The following TAF8 variants were observed in gnomAD, a reference collection of about 807,000 sequenced individuals.
TAF8 encodes the protein TATA-box binding protein associated factor 8.
A neutral mutation model predicts 36.5 loss-of-function variants in TAF8; 47 were observed. The observed-to-expected ratio is 1.29, with a 90% CI of 1.02 to 1.64. The LOEUF (loss-of-function observed/expected upper bound fraction) is 1.64, where lower values mean the gene tolerates loss of function less well. Ranked by LOEUF, TAF8 falls within the 40% of genes most tolerant of loss-of-function variation. TAF8 has a pLI of 0.00. For missense variants in TAF8, 420 were observed against 407.6 expected (o/e 1.03, Z -0.26); for synonymous variants, 175 against 159.5 (o/e 1.10, Z -0.73).
intron 5 of TAF8, among the ~76,000 whole-genome samples, chr6:42,059,737 C>T (rs1170149836): frequency 6.6e-6 from 1 of 152,192 alleles, no homozygotes; most frequent in African/African-American, 2.4e-5. Context: ...TTAGTTTAGC[C>T]TCCGCCCAGG....
chr6:42,075,929 G>T (rs1199756314), intron 7 of TAF8, among the ~76,000 whole-genome samples: 2 of 152,206 alleles, frequency 1.3e-5, no homozygotes, highest in East Asian at 1.9e-4. Context: ...CAGTAAAGCG[G>T]CCGGGCGCGG....
In TAF8 at chr6:42,082,924, TTCC is replaced by T. The variant is rs1406712803; in HGVS notation, c.*5385_*5387del. 6.6e-6 allele frequency: 1 copy of T among 152,234 alleles called. No homozygotes were observed. The highest frequency in any genetic ancestry group is 1.5e-5 in the Non-Finnish European group (1 of 68,048). 9.4% of individuals were successfully genotyped at this position (152,234 alleles called of 1,614,324 possible). ...TCCTGGAAAAAAATTCAAGGTATTT[TTCC>T]TCCTCTTGGAGCGTGTGGCCTACCT... On this transcript the variant is annotated 3_prime_UTR_variant, in exon 9 of 9. Transcript: ENST00000372977.
Position 42,055,943 on chromosome 6 carries a change from G to A in TAF8, c.302-9G>A. 6.2e-7 allele frequency: 1 copy of A among 1,605,480 alleles called. No homozygotes were observed. Among genetic ancestry groups the A allele is most frequent in the Non-Finnish European group, 8.5e-7 (1 of 1,172,316 alleles). ...TCTGGGCAGTGATTTTTGTTTTCCT[G>A]TCTCTTAGGTTTCAATGTGGACACT... On this transcript the variant is annotated splice_polypyrimidine_tract_variant and intron_variant, in intron 3 of 8. Coordinates refer to ENST00000372977, the MANE Select transcript of TAF8 (RefSeq NM_138572.3).
chr6:42,050,566 G>A lies in TAF8; in HGVS notation c.25G>A (p.Gly9Arg). MADAAATAGAGGSGTRSGS... is the reference protein window; with the variant it reads MADAAATARAGGSGTRSGS... ...GATGGCCGACGCGGCGGCCACAGCT[G>A]GGGCCGGTGGCTCCGGAACGGTAAG... Residue 9 changes from glycine (G) to arginine (R), a missense_variant, in exon 1 of 9, where the codon GGG (glycine) becomes AGG (arginine). Transcript: ENST00000372977. 6.4e-7 allele frequency: 1 copy of A among 1,556,558 alleles called. No individual in the cohort carries two copies. The highest frequency in any genetic ancestry group is 8.7e-7 in the Non-Finnish European group (1 of 1,150,566).
intron 7 of TAF8, 51 bp downstream of exon 7, chr6:42,068,658 C>G (rs759512495): frequency 3.8e-6 from 6 of 1,596,690 alleles, no homozygotes; most frequent in Non-Finnish European, 5.1e-6. Context: ...CTGTCGCACA[C>G]TGCCCTCAGT....
At chr6:42,053,715 TAAC>T (rs1383295830) in intron 2 of TAF8, among the ~76,000 whole-genome samples, 2 of 152,132 alleles carry the variant, frequency 1.3e-5, no homozygotes, top group South Asian at 2.1e-4. Context: ...AAAAGTCAAA[TAAC>T]AACTTAATTT....
chr6:42,077,141 G>A lies in TAF8; in HGVS notation c.822G>A (p.Gln274=). 2.5e-6 allele frequency: 4 copies of A among 1,614,216 alleles called. No homozygotes were observed. Among genetic ancestry groups the A allele is most frequent in the Non-Finnish European group, 3.4e-6 (4 of 1,180,018 alleles). ...AGAAGGAGAACACCTCTGTCCTGCA[G>A]CAGAACCCCTCCTTGTCGGGTAGCC... ...GAEKENTSVL[Q]QNPSLSGSRN... is the part of the protein sequence containing the mutation. The change falls in exon 8 of 9, where the codon CAG becomes CAA. Residue 274 remains glutamine, a synonymous_variant. Transcript: ENST00000372977.
intron 5 of TAF8, 128 bp downstream of exon 5, chr6:42,057,641 C>G: frequency 7.6e-7 from 1 of 1,309,206 alleles, no homozygotes; most frequent in Non-Finnish European, 1.0e-6. Context: ...AGAATGTGGC[C>G]GGGCACATTG....
At chr6:42,084,180 C>CA (rs35595303), downstream of TAF8, among the ~76,000 whole-genome samples, 9,940 of 62,748 alleles carry the variant, frequency 0.16, 703 homozygotes, top group East Asian at 0.26. Context: ...GACTCTGTCT[C>CA]AAAAAAAAAA....
intron 7 of TAF8, among the ~76,000 whole-genome samples, chr6:42,069,355 C>A (rs532110060): frequency 6.6e-6 from 1 of 152,080 alleles, no homozygotes; most frequent in East Asian, 1.9e-4. Context: ...AGCAGGGAGA[C>A]CAGTTAGGAT....
intron 6 of TAF8, among the ~76,000 whole-genome samples, chr6:42,067,071 T>C (rs991000574): frequency 1.3e-5 from 2 of 152,218 alleles, no homozygotes; most frequent in Non-Finnish European, 2.9e-5. Context: ...GGAACTGATA[T>C]ATCACTACCT....
At chr6:42,077,312 T>C in intron 8 of TAF8, 73 bp downstream of exon 8, 1 of 1,551,930 alleles carries the variant, frequency 6.4e-7, no homozygotes, top group Non-Finnish European at 8.7e-7. Context: ...CTTGGAAGAG[T>C]CTCCTCAGTG....
At chr6:42,062,599 A>T (rs1323090366) in intron 5 of TAF8, among the ~76,000 whole-genome samples, 1 of 125,096 alleles carries the variant, frequency 8.0e-6, no homozygotes, top group African/African-American at 3.2e-5. Flanking sequence ...CAGTGGTGCG[A>T]TCTCAGCTCA....
rs766856727 is a variant in TAF8 at position 42,055,555 on chromosome 6, C to T, written c.227C>T (p.Ala76Val). ...GACATTTCAGAAATTGGGAGAAGTG[C>T]CAAGTCTTACTGTGAGCACACAGCC... ...QSYISEIGRS[A>V]KSYCEHTART... The change falls in exon 3 of 9, where the codon GCC becomes GTC. Residue 76 changes from alanine to valine, a missense_variant. Ala to Val is a moderately conservative substitution (Grantham distance 64, BLOSUM62 0). Transcript: ENST00000372977. The T allele has an allele frequency of 1.9e-6, 3 of 1,613,986 alleles. No homozygotes were observed. The highest frequency in any genetic ancestry group is 2.7e-5 in the African/African-American group (2 of 74,926).
intron 7 of TAF8, among the ~76,000 whole-genome samples, chr6:42,075,292 CT>C (rs1239978323): frequency 6.6e-6 from 1 of 152,206 alleles, no homozygotes; most frequent in Non-Finnish European, 1.5e-5. Context: ...GCAGCACTTG[CT>C]TTCAAGAGTC....
intron 2 of TAF8, among the ~76,000 whole-genome samples, chr6:42,053,608 T>C (rs1582212441): frequency 6.7e-6 from 1 of 149,028 alleles, no homozygotes; most frequent in East Asian, 1.9e-4. Context: ...ATTTTGAAAA[T>C]AAGAATGTAC....
chr6:42,072,139 G>A lies in TAF8; in HGVS notation c.780+3532G>A, dbSNP rs192683820. On this transcript the variant is annotated intron_variant, in intron 7 of 8. Coordinates refer to ENST00000372977, the MANE Select transcript of TAF8 (RefSeq NM_138572.3). ...ACCTACCTCAAGGGACAGGGGGAGCGTGAGACAGAGCTGGTATCTATCAGG... is the reference window on the plus strand; with the variant it reads ...ACCTACCTCAAGGGACAGGGGGAGCATGAGACAGAGCTGGTATCTATCAGG... Among the ~76,000 whole-genome samples, 275 of 152,322 alleles carry A rather than the reference G, an allele frequency of 1.8e-3. 1 individual carries two copies. The highest frequency in any genetic ancestry group is 6.1e-3 in the African/African-American group (254 of 41,570).
rs1010085511 is a variant in TAF8 at position 42,081,462 on chromosome 6, A to C, written c.*3917A>C. The C allele has an allele frequency of 6.6e-6, 1 of 152,008 alleles. No homozygotes were observed. Among genetic ancestry groups the C allele is most frequent in the East Asian group, 1.9e-4 (1 of 5,182 alleles). The allele number at this position is 152,008 out of a possible 1,614,324, so 9.4% of individuals were successfully genotyped here. On this transcript the variant is annotated 3_prime_UTR_variant, in exon 9 of 9. Coordinates refer to ENST00000372977, the MANE Select transcript of TAF8 (RefSeq NM_138572.3). ...CAGCTCACCGCAAGCTCCGCCACCC[A>C]GGTTCACGCCATTCTCCTGCCTCAG...
chr6:42,066,323 G>A lies in TAF8; in HGVS notation c.501G>A (p.Glu167=). ...TGCTCTCTTCGTAGACGTACCGTGA[G>A]CCCGTGTCAGACTACCAGGTCCTGC... is the stretch of plus-strand genomic sequence containing the variant. ...HTYIKTPTYR[E]PVSDYQVLRE... Residue 167 remains glutamate (E), a synonymous_variant, in exon 6 of 9, where the codon GAG becomes GAA. Coordinates refer to ENST00000372977, the MANE Select transcript of TAF8 (RefSeq NM_138572.3). 1 of 1,614,012 alleles carries A rather than the reference G, an allele frequency of 6.2e-7. No individual in the cohort carries two copies. The highest frequency in any genetic ancestry group is 8.5e-7 in the Non-Finnish European group (1 of 1,180,026).
Sources: allele counts gnomAD v4.1 joint callset (sites outside exome capture counted in the v4.1 genomes callset), GRCh38; gene constraint gnomAD v4.1.1; transcripts MANE v1.5; gene names NCBI Gene and HGNC (gene_info 2026-07-23, HGNC 2026-07-21).